Variants in YTHDC1 observed in about 807,000 individuals in gnomAD.
YTHDC1 encodes YTH N6-methyladenosine RNA binding protein C1, also known as YTH domain-containing protein 1.
YTHDC1 carries 12 observed loss-of-function variants against 107.0 expected under a neutral mutation model. That is an observed-to-expected ratio of 0.11 (90% CI 0.07 to 0.18). The LOEUF (loss-of-function observed/expected upper bound fraction) is 0.18, where lower values mean the gene tolerates loss of function less well. Ranked by LOEUF, YTHDC1 falls within the 10% of genes least tolerant of loss-of-function variation. YTHDC1 has a pLI of 1.00. For missense variants in YTHDC1, 635 were observed against 898.8 expected, an observed-to-expected ratio of 0.71 and a Z score of 3.75; for synonymous variants, 280 against 289.5, an observed-to-expected ratio of 0.97 and a Z score of 0.33.
chr4:68,319,016 T>C (rs928091188), intron 12 of YTHDC1, among the ~76,000 whole-genome samples, 154 bp from the exon 13 acceptor site: 4 of 152,220 alleles, frequency 2.6e-5, no homozygotes, highest in African/African-American at 9.6e-5. Flanking sequence ...CAAATTTTCT[T>C]CTCAGATTAC....
intron 1 of YTHDC1, among the ~76,000 whole-genome samples, chr4:68,348,117 C>A (rs1725653160): frequency 6.6e-6 from 1 of 152,210 alleles, no homozygotes; most frequent in South Asian, 2.1e-4. Flanking sequence ...TGTATTTGGA[C>A]TGCATTATCA....
intron 1 of YTHDC1, among the ~76,000 whole-genome samples, chr4:68,347,516 T>G (rs1725583896): frequency 6.6e-6 from 1 of 152,122 alleles, no homozygotes; most frequent in African/African-American, 2.4e-5. Context: ...ATTCATGTCT[T>G]TATTACCCAG....
At chr4:68,335,856 G>C (rs1724100298) in intron 4 of YTHDC1, among the ~76,000 whole-genome samples, 1 of 151,274 alleles carries the variant, frequency 6.6e-6, no homozygotes, top group South Asian at 2.1e-4. Context: ...TACCTCCCTT[G>C]AAAAGCCTAT....
rs142848860 is a variant in YTHDC1 at position 68,332,659 on chromosome 4, TTAAGA to T, written c.1027+130_1027+134del. The T allele has an allele frequency of 9.4e-4, 677 of 719,032 alleles. 3 individuals are homozygous for T. The African/African-American group carries it at 0.011, about 11-fold the overall frequency. The allele number at this position is 719,032 out of a possible 1,614,324, so 44.5% of individuals were successfully genotyped here. A position where few individuals can be genotyped will look rare whatever the true frequency, so the allele number is the denominator to read the frequency against. Reference sequence around the variant, plus strand: ...AGAAGCAGACACAGAGCTTTCTATGTTAAGATATTATTTTTTGCTTCATGTAATAT... The same window carrying T: ...AGAAGCAGACACAGAGCTTTCTATGTTATTATTTTTTGCTTCATGTAATAT... On this transcript the variant is annotated intron_variant, in intron 6 of 16. Transcript: ENST00000344157.
chr4:68,320,100 C>A, intron 12 of YTHDC1, 23 bp downstream of exon 12: 1 of 1,548,136 alleles, frequency 6.5e-7, no homozygotes, highest in East Asian at 2.3e-5. Context: ...AATCAAATAT[C>A]TGCAGGATTA....
rs1423297099 is a variant in YTHDC1 at position 68,313,387 on chromosome 4, C to T, written c.*712G>A. 6.6e-6 allele frequency: 1 copy of T among 152,502 alleles called. No homozygotes were observed. The highest frequency in any genetic ancestry group is 1.5e-5 in the Non-Finnish European group (1 of 68,008). 9.4% of individuals were successfully genotyped at this position (152,502 alleles called of 1,614,324 possible). Reference sequence around the variant, plus strand: ...AATGTAGAATATGGGAATCGTCTTCCGCTGCCACGCACGCAAGTTGTGAAC... The same window carrying T: ...AATGTAGAATATGGGAATCGTCTTCTGCTGCCACGCACGCAAGTTGTGAAC... On this transcript the variant is annotated 3_prime_UTR_variant, in exon 17 of 17. Transcript: ENST00000344157.
chr4:68,321,707 A>G (rs148921241), intron 11 of YTHDC1, among the ~76,000 whole-genome samples: 3 of 152,292 alleles, frequency 2.0e-5, no homozygotes, highest in Non-Finnish European at 4.4e-5. Flanking sequence ...TTTAAGCTCA[A>G]AGAAATGGGG....
chr4:68,342,520 T>A (rs1477359844), intron 1 of YTHDC1, among the ~76,000 whole-genome samples: 1 of 152,208 alleles, frequency 6.6e-6, no homozygotes, highest in African/African-American at 2.4e-5. Flanking sequence ...AGAAGTGTCA[T>A]ACATAATACA....
At chr4:68,316,780 T>C (rs1471534278) in intron 15 of YTHDC1, among the ~76,000 whole-genome samples, 1 of 152,218 alleles carries the variant, frequency 6.6e-6, no homozygotes, top group African/African-American at 2.4e-5. Flanking sequence ...TAGATACTAT[T>C]GTTCCCAGTT....
In YTHDC1 at chr4:68,337,564, T is replaced by C; in HGVS notation, c.459+8A>G. 1 of 1,592,638 alleles carries C rather than the reference T, an allele frequency of 6.3e-7. No homozygotes were observed. The highest frequency in any genetic ancestry group is 1.4e-5 in the African/African-American group (1 of 73,386). On this transcript the variant is annotated splice_region_variant and intron_variant, in intron 3 of 16. Coordinates refer to ENST00000344157, the MANE Select transcript of YTHDC1 (RefSeq NM_001031732.4). ...TTTCTGTTTTATATCTGCAATAATATTTACTACCTCAGAACCATCTGGCGT... is the reference window on the plus strand; with the variant it reads ...TTTCTGTTTTATATCTGCAATAATACTTACTACCTCAGAACCATCTGGCGT...
Position 68,318,878 on chromosome 4 carries a change from G to A in YTHDC1, c.1685-16C>T. 6.2e-7 allele frequency: 1 copy of A among 1,613,476 alleles called. No individual in the cohort carries two copies. The highest frequency in any genetic ancestry group is 8.5e-7 in the Non-Finnish European group (1 of 1,179,594). On this transcript the variant is annotated splice_polypyrimidine_tract_variant and intron_variant, in intron 12 of 16. Coordinates refer to ENST00000344157, the MANE Select transcript of YTHDC1 (RefSeq NM_001031732.4). ...TTTAAATACCCTGTTCAAACATCAA[G>A]CATTTTAGTAAATCAAATTTATATT...
chr4:68,333,467 T>C lies in YTHDC1; in HGVS notation c.884-70A>G. The C allele has an allele frequency of 4.5e-6, 5 of 1,108,160 alleles. 1 individual carries two copies. Among genetic ancestry groups the C allele is most frequent in the South Asian group, 4.1e-5 (3 of 72,476 alleles). The allele number at this position is 1,108,160 out of a possible 1,614,324, so 68.6% of individuals were successfully genotyped here. On this transcript the variant is annotated intron_variant, in intron 4 of 16. Transcript: ENST00000344157. ...GAAGAGAAGTAATCAAACAAGAATGTATCATTACATGTCTAGTTTTTGCAT... is the reference window on the plus strand; with the variant it reads ...GAAGAGAAGTAATCAAACAAGAATGCATCATTACATGTCTAGTTTTTGCAT...
rs142820944 is a variant in YTHDC1 at position 68,337,624 on chromosome 4, C to T, written c.407G>A (p.Arg136Gln). Residue 136 changes from arginine (R) to glutamine (Q), a missense_variant, in exon 3 of 17, where the codon CGG (arginine) becomes CAG (glutamine). This residue lies in a region of YTHDC1 where 294 missense variants were observed against 312.3 expected (regional missense o/e 0.94). Transcript: ENST00000344157. ...GGCCCTCCTTTCAGGATCCCTTTTC[C>T]GGACACAGGTTTTTTCAGGTTGATT... ...YKNQPEKTCV[R>Q]KRDPERRAKS... 3.4e-5 allele frequency: 55 copies of T among 1,612,882 alleles called. No homozygotes were observed. In the African/African-American group the frequency reaches 5.1e-4, roughly 15 times the overall value.
In YTHDC1 at chr4:68,337,425, C is replaced by T. The variant is rs745889803; in HGVS notation, c.485G>A (p.Arg162His). Residue 162 changes from arginine (R) to histidine (H), a missense_variant, in exon 4 of 17, where the codon CGT becomes CAT. Arg to His is a conservative substitution (Grantham distance 29, BLOSUM62 0). Around this residue, in one of 5 missense-constraint regions of YTHDC1, gnomAD observed 294 missense variants for 312.3 expected, o/e 0.94. Coordinates refer to ENST00000344157, the MANE Select transcript of YTHDC1 (RefSeq NM_001031732.4). ...SERIGLEVDR[R>H]ASRSSQSSKE... ...AGAAGACTGGCTGGATCTGCTTGCA[C>T]GTCTATCCACTTCAAGCCCAATTCT... 6.2e-6 allele frequency: 10 copies of T among 1,613,916 alleles called. No individual in the cohort carries two copies. Among genetic ancestry groups the T allele is most frequent in the African/African-American group, 2.7e-5 (2 of 74,900 alleles).
intron 13 of YTHDC1, 38 bp from the exon 14 acceptor site, chr4:68,318,767 ATT>A: frequency 6.2e-7 from 1 of 1,614,126 alleles, no homozygotes; most frequent in Non-Finnish European, 8.5e-7. Flanking sequence ...AATTCAGGTA[ATT>A]CATAAACTAG....
intron 9 of YTHDC1, among the ~76,000 whole-genome samples, chr4:68,327,993 C>T (rs1723180269): frequency 6.6e-6 from 1 of 152,156 alleles, no homozygotes; most frequent in Non-Finnish European, 1.5e-5. Context: ...CAATTTTACA[C>T]CTCACGTTAG....
At chr4:68,315,395 C>T (rs1433924044) in intron 16 of YTHDC1, among the ~76,000 whole-genome samples, 2 of 152,094 alleles carry the variant, frequency 1.3e-5, no homozygotes, top group African/African-American at 4.8e-5. Flanking sequence ...CTGATTCTCA[C>T]AAATAGGCCC....
intron 1 of YTHDC1, among the ~76,000 whole-genome samples, chr4:68,342,371 T>C (rs1724904985): frequency 6.6e-6 from 1 of 152,184 alleles, no homozygotes; most frequent in African/African-American, 2.4e-5. Flanking sequence ...GCAGATCTTT[T>C]ACATGGTAGT....
intron 10 of YTHDC1, 88 bp downstream of exon 10, chr4:68,324,051 A>G (rs1722716022): frequency 6.6e-6 from 8 of 1,209,988 alleles, no homozygotes; most frequent in Non-Finnish European, 8.2e-6. Flanking sequence ...CTCTTTCATC[A>G]GAAACGGTTA....
Sources: allele counts gnomAD v4.1 joint callset (sites outside exome capture counted in the v4.1 genomes callset), GRCh38; gene constraint gnomAD v4.1.1; regional missense constraint gnomAD v4.1.1; transcripts MANE v1.5; gene names NCBI Gene and HGNC (gene_info 2026-07-23, HGNC 2026-07-21).